UTRN: variants seen among roughly 807,000 people sequenced by gnomAD.
The protein encoded by UTRN is dystrophin-related protein 1.
UTRN carries 283 observed loss-of-function variants against 463.9 expected under a neutral mutation model. The ratio of observed to expected loss-of-function variants is 0.61; its 90% CI spans 0.55 to 0.67. The LOEUF is 0.67. UTRN is among the 30% of genes least tolerant of loss of function. The pLI is 0.00. For missense variants in UTRN, 3,922 were observed against 4,084.3 expected (o/e 0.96, Z 1.08); for synonymous variants, 1,442 against 1,431.5 (o/e 1.01, Z -0.17).
intron 62 of UTRN, among the ~76,000 whole-genome samples, chr6:144,792,732 G>A (rs1263140497): frequency 6.6e-6 from 1 of 152,128 alleles, no homozygotes; most frequent in Non-Finnish European, 1.5e-5. Context: ...TTTCCAAAAA[G>A]TATTAATTTC....
intron 51 of UTRN, among the ~76,000 whole-genome samples, chr6:144,645,983 T>C (rs144745522): frequency 1.9e-3 from 294 of 152,334 alleles, no homozygotes; most frequent in African/African-American, 6.7e-3. Flanking sequence ...TTTCTCTTAT[T>C]CTCTGAACTT....
At chr6:144,295,959 G>A (rs1293115466) in intron 2 of UTRN, among the ~76,000 whole-genome samples, 1 of 152,148 alleles carries the variant, frequency 6.6e-6, no homozygotes, top group African/African-American at 2.4e-5. Context: ...TCATTTAGAT[G>A]TAGGCCTAAT....
At chr6:144,604,089 T>C (rs1466472208) in intron 51 of UTRN, among the ~76,000 whole-genome samples, 1 of 152,232 alleles carries the variant, frequency 6.6e-6, no homozygotes. Flanking sequence ...CATTTGATTA[T>C]GTTACTTTCG....
chr6:144,683,765 C>G (rs1224017049), intron 52 of UTRN, among the ~76,000 whole-genome samples: 3 of 152,150 alleles, frequency 2.0e-5, no homozygotes, highest in Non-Finnish European at 4.4e-5. Flanking sequence ...TTCTGAATCT[C>G]TACCAACTGC....
intron 51 of UTRN, among the ~76,000 whole-genome samples, chr6:144,653,233 GTA>G (rs886378567): frequency 6.6e-6 from 1 of 151,796 alleles, no homozygotes; most frequent in Non-Finnish European, 1.5e-5. Context: ...CCTTTTTGGC[GTA>G]TACATAGGAT....
At chr6:144,459,499 GTCTT>G in intron 21 of UTRN, 145 bp downstream of exon 21, 1 of 841,756 alleles carries the variant, frequency 1.2e-6, no homozygotes. Context: ...AAGTCTTAAA[GTCTT>G]CTGTATTCAG....
At chr6:144,765,435 A>G (rs563767698) in intron 58 of UTRN, among the ~76,000 whole-genome samples, 2 of 152,262 alleles carry the variant, frequency 1.3e-5, no homozygotes, top group African/African-American at 4.8e-5. Flanking sequence ...TGTTTCAGAG[A>G]CAGGGTCTCA....
chr6:144,396,574 A>C (rs1322944992), intron 2 of UTRN, among the ~76,000 whole-genome samples: 1 of 152,232 alleles, frequency 6.6e-6, no homozygotes, highest in Non-Finnish European at 1.5e-5. Context: ...TATGCCAAAA[A>C]CGATTGAATT....
intron 53 of UTRN, among the ~76,000 whole-genome samples, chr6:144,718,536 A>C (rs1786756401): frequency 6.6e-6 from 1 of 152,160 alleles, no homozygotes; most frequent in Non-Finnish European, 1.5e-5. Context: ...CTCACCAGTG[A>C]AGTTAGTAAA....
At chr6:144,731,144 T>C (rs1047092363) in intron 54 of UTRN, among the ~76,000 whole-genome samples, 5 of 151,598 alleles carry the variant, frequency 3.3e-5, no homozygotes, top group Non-Finnish European at 7.4e-5. Context: ...TAAGGTTACT[T>C]TTAAAAATGA....
chr6:144,380,182 TAAA>T (rs1780784231), intron 2 of UTRN, among the ~76,000 whole-genome samples: 2 of 152,154 alleles, frequency 1.3e-5, no homozygotes, highest in Non-Finnish European at 2.9e-5. Context: ...GAGATATTGG[TAAA>T]AAATTATTTA....
chr6:144,409,657 C>T (rs1192171780), intron 3 of UTRN, among the ~76,000 whole-genome samples: 1 of 152,058 alleles, frequency 6.6e-6, no homozygotes, highest in Non-Finnish European at 1.5e-5. Flanking sequence ...TTACACAGAG[C>T]AAGGAGACAC....
chr6:144,432,892 C>G (rs572543326), intron 9 of UTRN, among the ~76,000 whole-genome samples: 4 of 152,040 alleles, frequency 2.6e-5, no homozygotes, highest in Non-Finnish European at 2.9e-5. Flanking sequence ...TGACTCTTAA[C>G]GAGCATGCTG....
chr6:144,516,907 T>G lies in UTRN; in HGVS notation c.5500T>G (p.Leu1834Val). 1 of 1,500,712 alleles carries G rather than the reference T, an allele frequency of 6.7e-7. No individual in the cohort carries two copies. Among genetic ancestry groups the G allele is most frequent in the African/African-American group, 1.5e-5 (1 of 68,118 alleles). The allele number at this position is 1,500,712 out of a possible 1,614,324, so 93.0% of individuals were successfully genotyped here. A position where few individuals can be genotyped will look rare whatever the true frequency, so the allele number is the denominator to read the frequency against. The change falls in exon 39 of 75, where the codon TTG becomes GTG. Residue 1834 changes from leucine (L) to valine (V), a missense_variant. Around this residue, in one of 3 missense-constraint regions of UTRN, gnomAD observed 2,349 missense variants for 2,303.8 expected, o/e 1.02. Coordinates refer to ENST00000367545, the MANE Select transcript of UTRN (RefSeq NM_007124.3). ...MEDNKKEKIR[L>V]QLLLLHTRYN... is the part of the protein sequence containing the mutation. ...AGATAATAAAAAAGAAAAGATCCGT[T>G]TGCAATTATTACTTTTGCATACTAG...
chr6:144,685,818 A>T (rs746717688), intron 52 of UTRN, among the ~76,000 whole-genome samples: 1 of 151,904 alleles, frequency 6.6e-6, no homozygotes, highest in Non-Finnish European at 1.5e-5. Context: ...GTTTACAAAT[A>T]TTTTCTCTCA....
chr6:144,601,430 T>C (rs4438980), intron 51 of UTRN, among the ~76,000 whole-genome samples: 23,263 of 151,362 alleles, frequency 0.15, 2,030 homozygotes, highest in South Asian at 0.28. Flanking sequence ...CATGGATCAT[T>C]TTGCGGGGTT....
chr6:144,356,449 G>A (rs1312871923), intron 2 of UTRN, among the ~76,000 whole-genome samples: 1 of 152,194 alleles, frequency 6.6e-6, no homozygotes, highest in Non-Finnish European at 1.5e-5. Context: ...AAAGCAGTTA[G>A]AACAGGCTGG....
chr6:144,777,459 AG>A (rs1328417638), intron 60 of UTRN, among the ~76,000 whole-genome samples: 1 of 152,218 alleles, frequency 6.6e-6, no homozygotes, highest in Admixed American at 6.5e-5. Flanking sequence ...TGAAATACAA[AG>A]GTTAATGGTT....
intron 54 of UTRN, among the ~76,000 whole-genome samples, chr6:144,747,487 G>T (rs963255602): frequency 6.6e-6 from 1 of 152,132 alleles, no homozygotes; most frequent in East Asian, 1.9e-4. Context: ...CTTTGAACTT[G>T]ACTTTGATTT....
Sources: gnomAD v4.1 joint callset for allele counts (sites outside exome capture counted in the v4.1 genomes callset) on GRCh38, gnomAD v4.1.1 for gene constraint, gnomAD v4.1.1 regional missense constraint, MANE v1.5 for transcripts, NCBI Gene and HGNC (gene_info 2026-07-23, HGNC 2026-07-21) for gene names.